The following FIRRM variants were observed in gnomAD, a reference collection of about 807,000 sequenced individuals.
The protein encoded by FIRRM is FIGNL1-interacting regulator of recombination and mitosis.
chr1:169,853,890 C>A, the FIRRM span: 1 of 1,091,906 alleles, frequency 9.2e-7, no homozygotes, highest in Non-Finnish European at 1.4e-6. Context: ...AACACTACCT[C>A]GTACTAAGTA....
At chr1:169,846,448 G>T in the FIRRM span, among the ~76,000 whole-genome samples, 1 of 152,156 alleles carries the variant, frequency 6.6e-6, no homozygotes, top group Non-Finnish European at 1.5e-5. Context: ...ATCCTAGGTA[G>T]CATCTTCTTC....
chr1:169,829,421 C>T, the FIRRM span: 8 of 1,612,566 alleles, frequency 5.0e-6, no homozygotes, highest in Admixed American at 1.3e-4. Context: ...TTTATTACTT[C>T]CTTTCATCCC....
the FIRRM span, among the ~76,000 whole-genome samples, chr1:169,813,919 GT>G: frequency 1.3e-5 from 2 of 152,202 alleles, no homozygotes. Context: ...TGGGAGAAAT[GT>G]TTTGTGCCCT....
chr1:169,849,253 T>C, the FIRRM span, among the ~76,000 whole-genome samples: 1 of 152,212 alleles, frequency 6.6e-6, no homozygotes, highest in East Asian at 1.9e-4. Context: ...GAAGCAAGTA[T>C]AGCTAACACA....
chr1:169,812,129 A>G, the FIRRM span, among the ~76,000 whole-genome samples: 1 of 152,230 alleles, frequency 6.6e-6, no homozygotes, highest in East Asian at 1.9e-4. Flanking sequence ...ATAAAACTCT[A>G]GGTTTAATTA....
At chr1:169,849,616 A>G in the FIRRM span, 1 of 1,576,218 alleles carries the variant, frequency 6.3e-7, no homozygotes, top group Non-Finnish European at 8.7e-7. Flanking sequence ...TAATTATAAA[A>G]CTGATTTATC....
the FIRRM span, among the ~76,000 whole-genome samples, chr1:169,846,044 A>T: frequency 6.6e-6 from 1 of 152,236 alleles, no homozygotes; most frequent in Non-Finnish European, 1.5e-5. Flanking sequence ...TCCTTGATTG[A>T]TGGGCTGCAG....
the FIRRM span, chr1:169,792,795 A>C: frequency 1.2e-6 from 2 of 1,613,288 alleles, no homozygotes; most frequent in Non-Finnish European, 1.7e-6. Context: ...TTACTATAAT[A>C]ATCTGGGTTG....
At chr1:169,817,808 CAT>C in the FIRRM span, among the ~76,000 whole-genome samples, 9 of 152,164 alleles carry the variant, frequency 5.9e-5, no homozygotes, top group Admixed American at 1.3e-4. Flanking sequence ...GTAAGATTCT[CAT>C]AAACTATTTA....
the FIRRM span, chr1:169,832,629 G>A: frequency 3.0e-6 from 2 of 668,574 alleles, no homozygotes; most frequent in Non-Finnish European, 5.0e-6. Flanking sequence ...TTGAGACAGA[G>A]TCTCGCTCTG....
the FIRRM span, among the ~76,000 whole-genome samples, chr1:169,834,376 T>C: frequency 6.6e-6 from 1 of 152,200 alleles, no homozygotes. Flanking sequence ...TTGAGATAGA[T>C]ACTAATACTC....
chr1:169,807,197 GTCT>G, the FIRRM span, among the ~76,000 whole-genome samples: 49 of 152,206 alleles, frequency 3.2e-4, no homozygotes, highest in African/African-American at 1.2e-3. Flanking sequence ...CTGTCCCAGA[GTCT>G]TTTCGTGGTT....
the FIRRM span, chr1:169,808,050 G>GTT: frequency 3.3e-6 from 3 of 921,140 alleles, no homozygotes; most frequent in South Asian, 1.7e-5. Flanking sequence ...TCATTTGGGT[G>GTT]TTTTTTTTTG....
the FIRRM span, chr1:169,793,428 G>A: frequency 6.2e-7 from 1 of 1,614,090 alleles, no homozygotes; most frequent in South Asian, 1.1e-5. Flanking sequence ...TTTCCATGTG[G>A]CTCCAAGTTC....
the FIRRM span, among the ~76,000 whole-genome samples, chr1:169,790,815 T>C: frequency 1.3e-5 from 2 of 152,204 alleles, no homozygotes; most frequent in South Asian, 2.1e-4. Context: ...AGTAGGTAAG[T>C]CTGGAATTGT....
At chr1:169,795,786 T>C in the FIRRM span, 1 of 978,112 alleles carries the variant, frequency 1.0e-6, no homozygotes, top group Non-Finnish European at 1.2e-6. Flanking sequence ...CTTTTTCTTC[T>C]TTCTTTCTTT....
At chr1:169,821,617 C>G in the FIRRM span, 5 of 1,221,936 alleles carry the variant, frequency 4.1e-6, no homozygotes, top group Non-Finnish European at 5.7e-6. Flanking sequence ...CATTTGTAAG[C>G]TTAGCTAATT....
the FIRRM span, among the ~76,000 whole-genome samples, chr1:169,845,342 G>A: frequency 6.6e-6 from 1 of 152,200 alleles, no homozygotes; most frequent in South Asian, 2.1e-4. Context: ...TTGCTTCAGT[G>A]TGGATGGCTG....
the FIRRM span, among the ~76,000 whole-genome samples, chr1:169,828,957 T>C: frequency 6.6e-6 from 1 of 152,226 alleles, no homozygotes; most frequent in Admixed American, 6.5e-5. Context: ...CCATATAATA[T>C]CTAATTTAGC....
Sources: gnomAD v4.1 joint callset for allele counts (sites outside exome capture counted in the v4.1 genomes callset) on GRCh38, gnomAD v4.1.1 for gene constraint, MANE v1.5 for transcripts, NCBI Gene and HGNC (gene_info 2026-07-23, HGNC 2026-07-21) for gene names.